Variants in CTNNA2 observed in about 807,000 individuals in gnomAD.
The protein encoded by CTNNA2 is catenin alpha-2.
In CTNNA2, 42 loss-of-function variants were observed where a neutral mutation model predicts 101.0. That is an observed-to-expected ratio of 0.42 (90% CI 0.32 to 0.54). The LOEUF is 0.54. Ranked by LOEUF, CTNNA2 falls within the 20% of genes least tolerant of loss-of-function variation. The pLI is 0.14. For missense variants in CTNNA2, 871 were observed against 1,223.1 expected (o/e 0.71, Z 4.29); for synonymous variants, 450 against 456.4 (o/e 0.99, Z 0.18).
intron 3 of CTNNA2, among the ~76,000 whole-genome samples, chr2:79,805,089 A>C (rs2105313540): frequency 6.6e-6 from 1 of 152,272 alleles, no homozygotes; most frequent in East Asian, 1.9e-4. Flanking sequence ...CTTAAGAAGA[A>C]GCTGGAAGGA....
At chr2:80,398,146 G>C (rs1678200838) in intron 8 of CTNNA2, among the ~76,000 whole-genome samples, 1 of 152,112 alleles carries the variant, frequency 6.6e-6, no homozygotes, top group South Asian at 2.1e-4. Context: ...TTATGTTTAG[G>C]TATCTGGCCT....
chr2:79,388,885 T>C (rs897732159), intron 4 of CTNNA2, among the ~76,000 whole-genome samples: 16 of 152,192 alleles, frequency 1.1e-4, no homozygotes, highest in African/African-American at 3.9e-4. Flanking sequence ...CCCAGAAATA[T>C]TTTTTCCCTG....
chr2:79,958,464 A>G (rs1049942217), intron 7 of CTNNA2, among the ~76,000 whole-genome samples: 1 of 152,198 alleles, frequency 6.6e-6, no homozygotes, highest in African/African-American at 2.4e-5. Context: ...AAAGGAGGTC[A>G]GAGTGATGCC....
intron 7 of CTNNA2, among the ~76,000 whole-genome samples, chr2:80,281,979 A>G (rs1674419154): frequency 6.6e-6 from 1 of 152,064 alleles, no homozygotes; most frequent in African/African-American, 2.4e-5. Context: ...GAATAATAGA[A>G]CCTGCATGTT....
rs117741773 is a variant in CTNNA2, at chr2:80,440,915, G to A, written c.1290+21314G>A. On this transcript the variant is annotated intron_variant, in intron 9 of 18. Transcript: ENST00000402739. ...ATTTTTCTTCATAACTTTCCATTGA[G>A]AGTCCCAGGGTTACTTGGAAGCACC... 6.0e-4 allele frequency among the ~76,000 whole-genome samples: 91 copies of A among 152,220 alleles called. No homozygotes were observed. In the East Asian group the frequency reaches 0.017, roughly 28 times the overall value.
At chr2:80,610,331 G>T (rs1698354769) in intron 17 of CTNNA2, among the ~76,000 whole-genome samples, 3 of 151,594 alleles carry the variant, frequency 2.0e-5, no homozygotes, top group Admixed American at 6.6e-5. Flanking sequence ...ACAAATGACT[G>T]CTTTCAAAGT....
chr2:80,485,308 GA>G (rs964527538), intron 9 of CTNNA2, among the ~76,000 whole-genome samples: 44 of 151,650 alleles, frequency 2.9e-4, no homozygotes, highest in African/African-American at 9.9e-4. Flanking sequence ...TGCCAGGAAG[GA>G]AAAAAAATAC....
At chr2:79,995,166 G>T (rs978451149) in intron 7 of CTNNA2, among the ~76,000 whole-genome samples, 4 of 152,188 alleles carry the variant, frequency 2.6e-5, no homozygotes, top group Non-Finnish European at 5.9e-5. Flanking sequence ...ATCTCAGCTT[G>T]TTTCAGTCTG....
chr2:80,212,581 G>A (rs996503001), intron 7 of CTNNA2, among the ~76,000 whole-genome samples: 3 of 152,166 alleles, frequency 2.0e-5, no homozygotes, highest in African/African-American at 7.2e-5. Context: ...CTTGATCGTG[G>A]TGGATAAACT....
chr2:79,245,219 G>A (rs1674684228), intron 2 of CTNNA2, among the ~76,000 whole-genome samples: 1 of 152,222 alleles, frequency 6.6e-6, no homozygotes, highest in African/African-American at 2.4e-5. Flanking sequence ...AGGAGGCAGA[G>A]GCGGGCAGAT....
intron 7 of CTNNA2, among the ~76,000 whole-genome samples, chr2:80,113,821 T>C (rs893356701): frequency 6.6e-6 from 1 of 152,168 alleles, no homozygotes. Flanking sequence ...TGGAAGAAAA[T>C]ATGATAAAAA....
Position 80,324,528 on chromosome 2 carries a change from T to C in CTNNA2, c.1057-68683T>C, listed in dbSNP as rs116162717. On this transcript the variant is annotated intron_variant, in intron 7 of 18. Transcript: ENST00000402739. The stretch of plus-strand genomic sequence containing the variant: ...CAGCTATTTATTAAAAAGCCTTTCA[T>C]GTAAAAAGGTTTGGAGGACCTAGGA... Among the ~76,000 whole-genome samples, 848 of 152,300 alleles carry C rather than the reference T, an allele frequency of 5.6e-3. 2 individuals are homozygous for C. The highest frequency in any genetic ancestry group is 9.2e-3 in the Non-Finnish European group (623 of 68,018).
chr2:80,520,270 T>A (rs551837411), intron 9 of CTNNA2, among the ~76,000 whole-genome samples: 1 of 151,538 alleles, frequency 6.6e-6, no homozygotes, highest in South Asian at 2.1e-4. Flanking sequence ...TGGGACACAT[T>A]TTTGGAGAAA....
intron 2 of CTNNA2, among the ~76,000 whole-genome samples, chr2:79,276,137 A>G (rs368323484): frequency 2.0e-5 from 3 of 152,140 alleles, no homozygotes; most frequent in East Asian, 3.9e-4. Flanking sequence ...AATACAAAGA[A>G]AGAAGGTCAC....
At chr2:79,406,272 A>C (rs1027885107) in intron 4 of CTNNA2, among the ~76,000 whole-genome samples, 1 of 152,068 alleles carries the variant, frequency 6.6e-6, no homozygotes, top group Admixed American at 6.6e-5. Flanking sequence ...TCAAACTCAC[A>C]AGACAGAAAA....
chr2:79,224,757 T>C (rs2104227776), intron 2 of CTNNA2, among the ~76,000 whole-genome samples: 1 of 151,342 alleles, frequency 6.6e-6, no homozygotes, highest in Admixed American at 6.6e-5. Context: ...TCCACCACCA[T>C]CTCCCAGAGC....
chr2:80,625,565 A>G (rs547746532), intron 18 of CTNNA2, among the ~76,000 whole-genome samples: 1 of 152,130 alleles, frequency 6.6e-6, no homozygotes, highest in East Asian at 1.9e-4. Context: ...AAATGTCATT[A>G]TATTTCTCTC....
intron 7 of CTNNA2, among the ~76,000 whole-genome samples, chr2:80,005,779 T>G (rs1208839789): frequency 2.0e-5 from 3 of 151,870 alleles, no homozygotes. Context: ...ATTTGTTTTT[T>G]TTTTTTAAAC....
intron 7 of CTNNA2, among the ~76,000 whole-genome samples, chr2:80,147,669 C>T (rs1368810218): frequency 1.3e-5 from 2 of 152,170 alleles, no homozygotes; most frequent in African/African-American, 4.8e-5. Context: ...AATGGTCCAT[C>T]TCAGCCCCTT....
Sources: gnomAD v4.1 joint callset for allele counts (sites outside exome capture counted in the v4.1 genomes callset) on GRCh38, gnomAD v4.1.1 for gene constraint, MANE v1.5 for transcripts, NCBI Gene and HGNC (gene_info 2026-07-23, HGNC 2026-07-21) for gene names.